Variants in AKAP9 observed in about 807,000 individuals in gnomAD.
AKAP9 encodes A-kinase anchor protein 9.
AKAP9 carries 311 observed loss-of-function variants against 488.5 expected under a neutral mutation model. That is an observed-to-expected ratio of 0.64 (90% CI 0.58 to 0.70). AKAP9 has a LOEUF of 0.70. Among genes scored for constraint, AKAP9 ranks in the 30% least tolerant of loss-of-function variants. The pLI is 0.00. For missense variants in AKAP9, 4,215 were observed against 4,374.5 expected (o/e 0.96, Z 1.03); for synonymous variants, 1,462 against 1,483.5 (o/e 0.99, Z 0.33).
At position 92,076,957 on chromosome 7, in the gene AKAP9, G is replaced by A; in HGVS notation, c.6715G>A (p.Glu2239Lys). 1 of 1,579,628 alleles carries A rather than the reference G, an allele frequency of 6.3e-7. No individual in the cohort carries two copies. The highest frequency in any genetic ancestry group is 8.7e-7 in the Non-Finnish European group (1 of 1,155,906). ...TATGCAATTAGAAATACAGAAAAAG[G>A]AATCTACTACCCGCCTACAAGAACT... ...LHMQLEIQKKESTTRLQELEQ... is the reference protein window; with the variant it reads ...LHMQLEIQKKKSTTRLQELEQ... Residue 2239 changes from glutamate to lysine, a missense_variant, in exon 29 of 50, where the codon GAA becomes AAA. By Grantham distance (56) the Glu-to-Lys change is moderately conservative. Around this residue, in one of 5 missense-constraint regions of AKAP9, gnomAD observed 51 missense variants for 87.3 expected, o/e 0.58. Coordinates refer to ENST00000356239, the MANE Select transcript of AKAP9 (RefSeq NM_005751.5).
intron 10 of AKAP9, among the ~76,000 whole-genome samples, chr7:92,014,751 T>C (rs1397362926): frequency 6.6e-6 from 1 of 152,258 alleles, no homozygotes; most frequent in South Asian, 2.1e-4. Flanking sequence ...CCTTCAGAAC[T>C]GTGCCTAGAA....
rs201799352 is a variant in AKAP9, at chr7:92,096,715, G to A, written c.9756G>A (p.Gln3252=). ...ATCTGAAGTTTTCACTTGAGAGTCA[G>A]AAACAAAGGAATCTTCAGCTAAATC... ...LEDLKFSLES[Q]KQRNLQLNLL... Residue 3252 remains glutamine, a synonymous_variant, in exon 41 of 50, where the codon CAG becomes CAA. Transcript: ENST00000356239. The A allele has an allele frequency of 6.2e-7, 1 of 1,614,076 alleles. No homozygotes were observed. The highest frequency in any genetic ancestry group is 1.3e-5 in the African/African-American group (1 of 75,042).
intron 1 of AKAP9, among the ~76,000 whole-genome samples, chr7:91,956,644 G>A (rs1002093751): frequency 2.0e-5 from 3 of 152,000 alleles, no homozygotes; most frequent in African/African-American, 7.3e-5. Flanking sequence ...TATATAGACA[G>A]CATATTTTTT....
intron 12 of AKAP9, among the ~76,000 whole-genome samples, chr7:92,019,300 C>T (rs1160764302): frequency 5.9e-5 from 9 of 151,970 alleles, no homozygotes. Flanking sequence ...CTCCACCACA[C>T]CCGGCTAATT....
In AKAP9 at chr7:92,082,637, C is replaced by G; in HGVS notation, c.8135C>G (p.Ala2712Gly). Residue 2712 changes from alanine to glycine, a missense_variant, in exon 32 of 50, where the codon GCT (alanine) becomes GGT (glycine). Physicochemically the swap from Ala to Gly is moderately conservative, Grantham distance 60. Around this residue, in one of 5 missense-constraint regions of AKAP9, gnomAD observed 1,476 missense variants for 1,477.4 expected, o/e 1.00. Transcript: ENST00000356239. ...KAELASYKEK[A>G]EKLQEELLVK... is the part of the protein sequence containing the mutation. ...GAACTTGCCAGTTATAAAGAAAAGG[C>G]TGAAAAACTTCAAGAAGAGCTTTTG... is the stretch of plus-strand genomic sequence containing the variant. 1 of 1,613,950 alleles carries G rather than the reference C, an allele frequency of 6.2e-7. No homozygotes were observed. The highest frequency in any genetic ancestry group is 8.5e-7 in the Non-Finnish European group (1 of 1,179,936).
chr7:92,078,036 G>A (rs141830314), intron 30 of AKAP9, among the ~76,000 whole-genome samples, 161 bp downstream of exon 30: 65 of 151,392 alleles, frequency 4.3e-4, no homozygotes, highest in African/African-American at 1.4e-3. Flanking sequence ...TCGCTCTGTC[G>A]CCCAGGCTGG....
intron 1 of AKAP9, among the ~76,000 whole-genome samples, chr7:91,973,150 C>T (rs1002074821): frequency 1.6e-4 from 24 of 152,186 alleles, no homozygotes; most frequent in African/African-American, 5.8e-4. Context: ...CTGAGGCAGG[C>T]GAATTGCTTG....
chr7:92,078,682 GA>G (rs1300933711), intron 30 of AKAP9, among the ~76,000 whole-genome samples: 1 of 151,846 alleles, frequency 6.6e-6, no homozygotes, highest in African/African-American at 2.4e-5. Context: ...AAGGCTCTGT[GA>G]CTTAGATTTT....
chr7:92,072,875 ACT>A (rs1223536820), intron 28 of AKAP9, among the ~76,000 whole-genome samples: 1 of 152,148 alleles, frequency 6.6e-6, no homozygotes, highest in Non-Finnish European at 1.5e-5. Context: ...CCGAGGACAG[ACT>A]CTGTTATCCC....
intron 3 of AKAP9, among the ~76,000 whole-genome samples, chr7:91,984,434 G>T (rs942001678): frequency 2.6e-5 from 4 of 152,162 alleles, no homozygotes; most frequent in African/African-American, 9.7e-5. Context: ...AAGATCAAAT[G>T]GTTGGAGATG....
intron 37 of AKAP9, among the ~76,000 whole-genome samples, chr7:92,087,222 A>G (rs540124623): frequency 3.3e-5 from 5 of 152,330 alleles, no homozygotes; most frequent in Non-Finnish European, 7.4e-5. Context: ...CAAATATGGA[A>G]TCAGAATAAT....
intron 1 of AKAP9, among the ~76,000 whole-genome samples, chr7:91,956,977 C>T (rs1793100198): frequency 6.6e-6 from 1 of 151,994 alleles, no homozygotes; most frequent in Admixed American, 6.5e-5. Context: ...TTTTGTTAAA[C>T]TTATTTTAAA....
In AKAP9 at chr7:92,038,715, GCTGA is replaced by G. The variant is rs751121443; in HGVS notation, c.4638_4641del (p.Thr1547PhefsTer13). Reference sequence around the variant, plus strand: ...ATATACCAGAATCAAAGGACTGTGTGCTGACTATTTCAGAAGAAATGTTCTCCAA... The same window carrying G: ...ATATACCAGAATCAAAGGACTGTGTGCTATTTCAGAAGAAATGTTCTCCAA... On this transcript the variant is annotated frameshift_variant, in exon 17 of 50. Transcript: ENST00000356239. LOFTEE classifies it high-confidence loss of function. 16 of 1,607,194 alleles carry G rather than the reference GCTGA, an allele frequency of 1.0e-5. No homozygotes were observed. The highest frequency in any genetic ancestry group is 5.1e-5 in the Admixed American group (3 of 58,622).
Position 92,052,900 on chromosome 7 carries a change from C to G in AKAP9, c.5543C>G (p.Ser1848Cys), listed in dbSNP as rs189083857. The G allele has an allele frequency of 3.5e-5, 56 of 1,613,800 alleles. No individual in the cohort carries two copies. The East Asian group carries it at 1.2e-3, about 35-fold the overall frequency. Reference sequence around the variant, plus strand: ...GAAGAACTTATGCTGAACATTAGCTCTCGACTACAAGCAGCAGTTGAAAAA... The same window carrying G: ...GAAGAACTTATGCTGAACATTAGCTGTCGACTACAAGCAGCAGTTGAAAAA... ...ENEELMLNISSRLQAAVEKLL... is the reference protein window; with the variant it reads ...ENEELMLNISCRLQAAVEKLL... Residue 1848 changes from serine (S) to cysteine (C), a missense_variant, in exon 22 of 50, where the codon TCT becomes TGT. Physicochemically the swap from Ser to Cys is moderately radical, Grantham distance 112. This residue lies in a region of AKAP9 where 2,361 missense variants were observed against 2,430.0 expected (regional missense o/e 0.97). Transcript: ENST00000356239.
chr7:92,063,161 T>G (rs1215120511), intron 24 of AKAP9, among the ~76,000 whole-genome samples: 1 of 152,226 alleles, frequency 6.6e-6, no homozygotes, highest in African/African-American at 2.4e-5. Flanking sequence ...TTTCACTGAT[T>G]TCATTTTATC....
intron 1 of AKAP9, among the ~76,000 whole-genome samples, chr7:91,950,306 T>C (rs1219335816): frequency 1.3e-5 from 2 of 150,578 alleles, no homozygotes; most frequent in Admixed American, 6.7e-5. Context: ...CTCGGCTCAG[T>C]GCAAGCTCTG....
rs531890924 is a variant in AKAP9 at position 92,040,395 on chromosome 7, C to CT, written c.4693-271dup. On this transcript the variant is annotated intron_variant, in intron 17 of 49. Coordinates refer to ENST00000356239, the MANE Select transcript of AKAP9 (RefSeq NM_005751.5). ...AGAAGGAATCTTAAGTATCTTAGTT[C>CT]TTTTTTTTCTATTAGAATTAGATTA... Among the ~76,000 whole-genome samples, 261 of 151,770 alleles carry CT rather than the reference C, an allele frequency of 1.7e-3. 1 individual carries two copies. Among genetic ancestry groups the CT allele is most frequent in the African/African-American group, 6.0e-3 (250 of 41,424 alleles).
intron 1 of AKAP9, among the ~76,000 whole-genome samples, chr7:91,949,177 C>T (rs571988336): frequency 1.5e-4 from 23 of 151,550 alleles, no homozygotes; most frequent in Admixed American, 2.0e-4. Context: ...ATATCCTTTC[C>T]GTATGTGTGG....
At chr7:92,097,427 T>C (rs1816808951) in intron 41 of AKAP9, 70 bp downstream of exon 41, 1 of 1,566,354 alleles carries the variant, frequency 6.4e-7, no homozygotes, top group African/African-American at 1.4e-5. Flanking sequence ...TAAATTTTGA[T>C]ATTGGATTAA....
Sources: allele counts gnomAD v4.1 joint callset (sites outside exome capture counted in the v4.1 genomes callset), GRCh38; gene constraint gnomAD v4.1.1; regional missense constraint gnomAD v4.1.1; transcripts MANE v1.5; gene names NCBI Gene and HGNC (gene_info 2026-07-23, HGNC 2026-07-21).